PDXK: variants seen among roughly 807,000 people sequenced by gnomAD.
PDXK encodes the protein epididymis secretory sperm binding protein Li 1a.
PDXK carries 15 observed loss-of-function variants against 43.2 expected under a neutral mutation model. The observed-to-expected ratio is 0.35, with a 90% CI of 0.23 to 0.53. PDXK has a LOEUF of 0.53. Ranked by LOEUF, PDXK falls within the 20% of genes least tolerant of loss-of-function variation. PDXK has a pLI of 0.92. For synonymous variants in PDXK, 172 were observed against 165.4 expected (o/e 1.04, Z -0.31); for missense variants, 343 against 417.0 (o/e 0.82, Z 1.54).
intron 1 of PDXK, chr21:43,728,784 G>T (rs117608778): frequency 8.1e-6 from 8 of 985,738 alleles, no homozygotes; most frequent in Non-Finnish European, 9.6e-6. Flanking sequence ...GTCGCGGGCG[G>T]CAGGGGGAAG....
Position 43,754,273 on chromosome 21 carries a change from A to T in PDXK, c.759+554A>T, listed in dbSNP as rs1426718596. Among the ~76,000 whole-genome samples, 3 of 151,950 alleles carry T rather than the reference A, an allele frequency of 2.0e-5. No individual in the cohort carries two copies. In the East Asian group the frequency reaches 5.8e-4, roughly 29 times the overall value. Reference sequence around the variant, plus strand: ...CTGCCTGCTTTTCAAGTTTGTAGAGATCGGGTGGCTTTGCTTAGACAGTGG... The same window carrying T: ...CTGCCTGCTTTTCAAGTTTGTAGAGTTCGGGTGGCTTTGCTTAGACAGTGG... On this transcript the variant is annotated intron_variant, in intron 9 of 10. Transcript: ENST00000291565. The surrounding 1 kb of genome is among the most constrained non-coding windows in gnomAD (Gnocchi z 5.5).
intron 2 of PDXK, chr21:43,738,903 T>A (rs1458812031): frequency 6.6e-6 from 1 of 152,016 alleles, no homozygotes; most frequent in Non-Finnish European, 1.5e-5. Context: ...ACTGGCCCCC[T>A]GGCTCCTACC....
chr21:43,724,179 C>T (rs913584342), intron 1 of PDXK, among the ~76,000 whole-genome samples: 8 of 152,126 alleles, frequency 5.3e-5, no homozygotes, highest in African/African-American at 7.2e-5. Flanking sequence ...GGGGGCTTGG[C>T]GGAGGTTGTA....
At chr21:43,748,080 G>A (rs2083668914) in intron 5 of PDXK, among the ~76,000 whole-genome samples, 1 of 152,240 alleles carries the variant, frequency 6.6e-6, no homozygotes, top group Non-Finnish European at 1.5e-5. Context: ...GCAAAGTGAA[G>A]TGAAGGGATT....
In PDXK at chr21:43,761,086, T is replaced by C. The variant is rs1032437078; in HGVS notation, c.*5023T>C. On this transcript the variant is annotated 3_prime_UTR_variant, in exon 11 of 11. Transcript: ENST00000291565. ...TTCTTCCTGGAATTTTTCTTTCGAT[T>C]CTGGCAGAATAAACAGGTGTTTTTA... is the stretch of plus-strand genomic sequence containing the variant. 6.6e-6 allele frequency: 1 copy of C among 152,214 alleles called. No individual in the cohort carries two copies. Among genetic ancestry groups the C allele is most frequent in the African/African-American group, 2.4e-5 (1 of 41,452 alleles). 9.4% of individuals were successfully genotyped at this position (152,214 alleles called of 1,614,324 possible). A position where few individuals can be genotyped will look rare whatever the true frequency, so the allele number is the denominator to read the frequency against.
chr21:43,729,539 A>C (rs1471185838), intron 1 of PDXK, among the ~76,000 whole-genome samples: 2 of 152,142 alleles, frequency 1.3e-5, no homozygotes, highest in African/African-American at 4.8e-5. Context: ...ACGCTCCGGG[A>C]GTCTGAGCTG....
At chr21:43,727,752 G>A (rs2083268921) in intron 1 of PDXK, among the ~76,000 whole-genome samples, 1 of 152,226 alleles carries the variant, frequency 6.6e-6, no homozygotes, top group African/African-American at 2.4e-5. Flanking sequence ...ACAGCATCCA[G>A]GAGGAGGGTG....
At chr21:43,755,675 C>T (rs1012324305) in intron 9 of PDXK, 23 bp from the exon 10 acceptor site, 5 of 1,602,522 alleles carry the variant, frequency 3.1e-6, no homozygotes, top group Middle Eastern at 3.3e-4. Flanking sequence ...GCCAGGGGCA[C>T]AGCAAGTCTG....
At chr21:43,755,383 A>G in intron 9 of PDXK, 2 of 387,110 alleles carry the variant, frequency 5.2e-6, no homozygotes, top group South Asian at 3.0e-5. Context: ...TAAGGAGTTA[A>G]TTCTGGGAAC....
At chr21:43,728,950 G>A in intron 1 of PDXK, 2 of 985,552 alleles carry the variant, frequency 2.0e-6, no homozygotes, top group Non-Finnish European at 2.4e-6. Context: ...ACCCCCCAGG[G>A]CAGAGTGTAG....
At chr21:43,740,415 C>G (rs548710483) in intron 2 of PDXK, among the ~76,000 whole-genome samples, 16 of 152,070 alleles carry the variant, frequency 1.1e-4, no homozygotes, top group Non-Finnish European at 2.2e-4. Context: ...TCTAGGAACC[C>G]ATACATCAGT....
intron 1 of PDXK, among the ~76,000 whole-genome samples, chr21:43,730,492 G>A (rs1311643241): frequency 6.6e-6 from 1 of 152,120 alleles, no homozygotes; most frequent in African/African-American, 2.4e-5. Flanking sequence ...ATAGCTGAAC[G>A]TAAACTACCA....
chr21:43,748,913 C>T (rs777554141), intron 5 of PDXK, 82 bp from the exon 6 acceptor site: 14 of 817,058 alleles, frequency 1.7e-5, no homozygotes, highest in Non-Finnish European at 2.7e-5. Flanking sequence ...GGGAGCACTC[C>T]GTGGTGGGCT....
chr21:43,741,436 G>A, intron 2 of PDXK: 1 of 248,930 alleles, frequency 4.0e-6, no homozygotes, highest in Non-Finnish European at 5.6e-6. Flanking sequence ...CTCGCGGGGG[G>A]CTCGCGGGGG....
chr21:43,733,253 ACCCCCCCC>A (rs1226314950), intron 1 of PDXK, among the ~76,000 whole-genome samples: 4 of 56,166 alleles, frequency 7.1e-5, no homozygotes, highest in Non-Finnish European at 1.0e-4. Context: ...CCCCATCCCC[ACCCCCCCC>A]CCCGCCCCCC....
At position 43,755,730 on chromosome 21, in the gene PDXK, C is replaced by T. The variant is rs1568995166; in HGVS notation, c.792C>T (p.His264=). ...GTGAGAAGACCGTGTCTACCTTGCACCACGTTCTGCAGAGGACCATCCAGT... is the reference window on the plus strand; with the variant it reads ...GTGAGAAGACCGTGTCTACCTTGCATCACGTTCTGCAGAGGACCATCCAGT... The part of the protein sequence containing the change: ...VACEKTVSTL[H]HVLQRTIQCA... Residue 264 remains histidine, a synonymous_variant, in exon 10 of 11, where the codon CAC becomes CAT. Transcript: ENST00000291565. The T allele has an allele frequency of 6.2e-7, 1 of 1,614,098 alleles. No homozygotes were observed. The highest frequency in any genetic ancestry group is 8.5e-7 in the Non-Finnish European group (1 of 1,179,958).
chr21:43,750,783 G>GT (rs142693057), intron 7 of PDXK, among the ~76,000 whole-genome samples: 31 of 140,730 alleles, frequency 2.2e-4, no homozygotes, highest in Middle Eastern at 3.6e-3. Flanking sequence ...ATTGTGTGTG[G>GT]GTGTGTGTGT....
intron 1 of PDXK, among the ~76,000 whole-genome samples, chr21:43,728,405 G>T (rs1394002630): frequency 6.6e-6 from 1 of 152,184 alleles, no homozygotes; most frequent in Non-Finnish European, 1.5e-5. Context: ...CTGCTGGGTG[G>T]GTGGCTTCGG....
In PDXK at chr21:43,737,482, T is replaced by C; in HGVS notation, c.142+3359T>C. ...AGCTCCCTGTCTGAGCTTCCCGGAC[T>C]GAGGGCACTGGGAAGGAGCCTGCGG... On this transcript the variant is annotated intron_variant, in intron 2 of 10. Coordinates refer to ENST00000291565, the MANE Select transcript of PDXK (RefSeq NM_003681.5). The surrounding 1 kb of genome is among the most constrained non-coding windows in gnomAD (Gnocchi z 4.8). The C allele has an allele frequency of 9.5e-7, 1 of 1,052,282 alleles. No individual in the cohort carries two copies. The highest frequency in any genetic ancestry group is 1.2e-6 in the Non-Finnish European group (1 of 868,758). The allele number at this position is 1,052,282 out of a possible 1,614,324, so 65.2% of individuals were successfully genotyped here.
Sources: gnomAD v4.1 joint callset for allele counts (sites outside exome capture counted in the v4.1 genomes callset) on GRCh38, gnomAD v4.1.1 for gene constraint, Gnocchi (gnomAD v3.1) non-coding constraint, MANE v1.5 for transcripts, NCBI Gene and HGNC (gene_info 2026-07-23, HGNC 2026-07-21) for gene names.